FAM136A: variants seen among roughly 807,000 people sequenced by gnomAD.
FAM136A encodes the protein TIM double twin CX3C motif protein.
Under a neutral mutation model 21.6 loss-of-function variants are expected in FAM136A, and 25 were observed. The ratio of observed to expected loss-of-function variants is 1.16; its 90% confidence interval spans 0.84 to 1.62. The LOEUF (loss-of-function observed/expected upper bound fraction) is 1.62. FAM136A is among the 40% of genes most tolerant of loss of function. The pLI is 0.00. For missense variants in FAM136A, 338 were observed against 332.0 expected (o/e 1.02, Z -0.14); for synonymous variants, 119 against 129.4 (o/e 0.92, Z 0.55).
rs1412647378 is a variant in FAM136A, at chr2:70,301,994, C to A, written c.18G>T (p.Gln6His). The A allele has an allele frequency of 5.0e-6, 8 of 1,603,192 alleles. No homozygotes were observed. The highest frequency in any genetic ancestry group is 2.2e-5 in the South Asian group (2 of 89,682). The change falls in exon 1 of 3, where the codon CAG becomes CAT. Residue 6 changes from glutamine to histidine, a missense_variant. Coordinates refer to ENST00000430566, the MANE Select transcript of FAM136A (RefSeq NM_001329752.2). The part of the protein sequence containing the change: MAELQ[Q>H]LRVQEAVESM... ...ACTCCACCGCCTCCTGCACCCGGAG[C>A]TGCTGCAGCTCAGCCATGGCGACCC...
In FAM136A at chr2:70,301,853, G is replaced by A. The variant is rs1488643906; in HGVS notation, c.159C>T (p.His53=). ...ACGCGGCTGCAGTGCAAGGCGTCGC[G>A]TGGTGGCTGAGGGAAGGGCCCGGAA... ...GWVPGPSLSH[H]ATPCTAAASP... Residue 53 remains histidine, a synonymous_variant, in exon 1 of 3, where the codon CAC becomes CAT. Coordinates refer to ENST00000430566, the MANE Select transcript of FAM136A (RefSeq NM_001329752.2). The A allele has an allele frequency of 4.5e-6, 7 of 1,553,612 alleles. No individual in the cohort carries two copies. The Admixed American group carries it at 5.9e-5, about 13-fold the overall frequency.
chr2:70,298,502 C>T (rs1697312911), intron 2 of FAM136A, among the ~76,000 whole-genome samples: 1 of 152,150 alleles, frequency 6.6e-6, no homozygotes, highest in African/African-American at 2.4e-5. Flanking sequence ...ATGAGTAAAA[C>T]AAAGTTCTTA....
intron 1 of FAM136A, chr2:70,301,343 T>C: frequency 6.8e-7 from 1 of 1,468,172 alleles, no homozygotes; most frequent in Non-Finnish European, 9.0e-7. Context: ...GCAATACAAA[T>C]TCCACCAGAG....
At chr2:70,301,278 G>A (rs1346626912) in intron 1 of FAM136A, 3 of 1,236,020 alleles carry the variant, frequency 2.4e-6, no homozygotes, top group Non-Finnish European at 3.3e-6. Context: ...GTCTGACGAA[G>A]CCAAATTCTG....
chr2:70,298,025 T>C (rs1697300886), intron 2 of FAM136A, among the ~76,000 whole-genome samples: 1 of 151,708 alleles, frequency 6.6e-6, no homozygotes, highest in African/African-American at 2.4e-5. Flanking sequence ...ACAGAATAAA[T>C]TGGGCAGAAC....
chr2:70,300,774 A>G, intron 2 of FAM136A, 66 bp downstream of exon 2: 3 of 1,487,622 alleles, frequency 2.0e-6, no homozygotes, highest in Middle Eastern at 2.2e-4. Flanking sequence ...TTTTGAACAA[A>G]TGCTTGTCAT....
At chr2:70,297,541 T>A in intron 2 of FAM136A, 64 bp from the exon 3 acceptor site, 1 of 1,481,410 alleles carries the variant, frequency 6.8e-7, no homozygotes, top group Non-Finnish European at 9.2e-7. Flanking sequence ...TGCGTGCTCA[T>A]TATGTGTTAG....
chr2:70,297,621 G>GTTTTTTTTTTTTTTTTTTTTTTTTTTTT (rs55803921), intron 2 of FAM136A, 144 bp from the exon 3 acceptor site: 1 of 234,598 alleles, frequency 4.3e-6, no homozygotes, highest in Non-Finnish European at 7.4e-6. Context: ...GATTGGCCAA[G>GTTTTTTTTTTTTTTTTTTTTTTTTTTTT]TTTTTTTTTT....
chr2:70,297,370 G>C lies in FAM136A; in HGVS notation c.657C>G (p.Thr219=). ...QVKQQLDSCV[T]KCVDDHMHLI... ...GGTGCATGTGGTCATCCACACACTT[G>C]GTCACACAACTGTCCAGCTGCTGCT... The change falls in exon 3 of 3, where the codon ACC becomes ACG. Residue 219 remains threonine (T), a synonymous_variant. Coordinates refer to ENST00000430566, the MANE Select transcript of FAM136A (RefSeq NM_001329752.2). The C allele has an allele frequency of 1.2e-6, 2 of 1,613,970 alleles. No individual in the cohort carries two copies. The highest frequency in any genetic ancestry group is 1.7e-6 in the Non-Finnish European group (2 of 1,179,904).
rs750911736 is a variant in FAM136A at position 70,300,849 on chromosome 2, C to T, written c.540G>A (p.Glu180=). 1.9e-6 allele frequency: 3 copies of T among 1,610,084 alleles called. No individual in the cohort carries two copies. In the East Asian group the frequency reaches 6.7e-5, roughly 36 times the overall value. ...QAQALVTSEL[E]KFQDRLARCT... ...CTAGGATATTTCTCACCTGGAACTT[C>T]TCCAGCTCACTGGTGACCAAAGCCT... The change falls in exon 2 of 3, where the codon GAG becomes GAA. Residue 180 remains glutamate, a synonymous_variant. Coordinates refer to ENST00000430566, the MANE Select transcript of FAM136A (RefSeq NM_001329752.2).
chr2:70,301,494 G>C (rs899416091), intron 1 of FAM136A, 110 bp downstream of exon 1: 14 of 1,535,658 alleles, frequency 9.1e-6, no homozygotes, highest in Non-Finnish European at 9.6e-6. Context: ...TGTGAAGCGA[G>C]GTTGGGCGCA....
In FAM136A at chr2:70,300,638, T is replaced by C. The variant is rs1697371106; in HGVS notation, c.549+202A>G. 1.1e-5 allele frequency: 6 copies of C among 537,324 alleles called. No individual in the cohort carries two copies. The South Asian group carries it at 1.5e-4, about 13-fold the overall frequency. The allele number at this position is 537,324 out of a possible 1,614,324, so 33.3% of individuals were successfully genotyped here. A position where few individuals can be genotyped will look rare whatever the true frequency, so the allele number is the denominator to read the frequency against. The stretch of plus-strand genomic sequence containing the variant: ...CCGCGCTCGGCCTACATCATTTCTA[T>C]AGGAAATGATGTTCAACTTAAGGCA... On this transcript the variant is annotated intron_variant, in intron 2 of 2. Transcript: ENST00000430566.
chr2:70,300,736 A>C, intron 2 of FAM136A, 104 bp downstream of exon 2: 1 of 1,372,552 alleles, frequency 7.3e-7, no homozygotes, highest in Non-Finnish European at 9.8e-7. Context: ...CACAACTGTT[A>C]ACAGAACCAA....
rs371369005 is a variant in FAM136A at position 70,297,328 on chromosome 2, G to C, written c.699C>G (p.Thr233=). 1.2e-6 allele frequency: 2 copies of C among 1,613,768 alleles called. No individual in the cohort carries two copies. Among genetic ancestry groups the C allele is most frequent in the East Asian group, 2.2e-5 (1 of 44,902 alleles). ...DDHMHLIPTM[T]KKMKEALLSI... ...ATAAGAGAGCCTCCTTCATCTTCTT[G>C]GTCATAGTTGGGATGAGGTGCATGT... The change falls in exon 3 of 3, where the codon ACC becomes ACG. Residue 233 remains threonine, a synonymous_variant. Coordinates refer to ENST00000430566, the MANE Select transcript of FAM136A (RefSeq NM_001329752.2).
In FAM136A at chr2:70,297,311, G is replaced by A; in HGVS notation, c.716C>T (p.Ala239Val). ...CTTTTATTTTCCAATTGATAAGAGA[G>A]CCTCCTTCATCTTCTTGGTCATAGT... is the stretch of plus-strand genomic sequence containing the variant. ...IPTMTKKMKEALLSIGK is the reference protein window; with the variant it reads ...IPTMTKKMKEVLLSIGK Residue 239 changes from alanine to valine, a missense_variant, in exon 3 of 3, where the codon GCT becomes GTT. Ala to Val is a moderately conservative substitution (Grantham distance 64, BLOSUM62 0). Coordinates refer to ENST00000430566, the MANE Select transcript of FAM136A (RefSeq NM_001329752.2). The A allele has an allele frequency of 2.5e-6, 4 of 1,613,724 alleles. No homozygotes were observed. The highest frequency in any genetic ancestry group is 3.4e-6 in the Non-Finnish European group (4 of 1,179,688).
In FAM136A at chr2:70,296,024, A is replaced by G. The variant is rs1242978413; in HGVS notation, c.*1265T>C. 1 of 152,690 alleles carries G rather than the reference A, an allele frequency of 6.5e-6. No individual in the cohort carries two copies. Among genetic ancestry groups the G allele is most frequent in the Non-Finnish European group, 1.5e-5 (1 of 68,052 alleles). 9.5% of individuals were successfully genotyped at this position (152,690 alleles called of 1,614,324 possible). ...TATTTTTAAAGTCAAACCACTAGGA[A>G]AATATATCACAGCCTGGAAACAGCA... is the stretch of plus-strand genomic sequence containing the variant. On this transcript the variant is annotated 3_prime_UTR_variant, in exon 3 of 3. Transcript: ENST00000430566.
chr2:70,300,708 C>T, intron 2 of FAM136A, 132 bp downstream of exon 2: 2 of 1,088,308 alleles, frequency 1.8e-6, no homozygotes, highest in South Asian at 4.3e-5. Flanking sequence ...CCTGTGAAAA[C>T]TGGTTGGCCA....
At chr2:70,298,924 C>G (rs986066456) in intron 2 of FAM136A, among the ~76,000 whole-genome samples, 2 of 152,128 alleles carry the variant, frequency 1.3e-5, no homozygotes, top group Non-Finnish European at 2.9e-5. Context: ...CGGATTCGGC[C>G]CCATGGGGGT....
rs768954209 is a variant in FAM136A, at chr2:70,297,499, T to C, written c.550-22A>G. The C allele has an allele frequency of 2.0e-5, 25 of 1,260,080 alleles. No homozygotes were observed. In the Admixed American group the frequency reaches 3.1e-4, roughly 16 times the overall value. 78.1% of individuals were successfully genotyped at this position (1,260,080 alleles called of 1,614,324 possible). On this transcript the variant is annotated intron_variant, in intron 2 of 2. Coordinates refer to ENST00000430566, the MANE Select transcript of FAM136A (RefSeq NM_001329752.2). The stretch of plus-strand genomic sequence containing the variant: ...GGTCCTGTGGCAAGAAGGAAGAACG[T>C]AGAAAAAGCTGAGAGTAAGGCCTCC...
Sources: allele counts gnomAD v4.1 joint callset (sites outside exome capture counted in the v4.1 genomes callset), GRCh38; gene constraint gnomAD v4.1.1; transcripts MANE v1.5; gene names NCBI Gene and HGNC (gene_info 2026-07-23, HGNC 2026-07-21).